The following NKX2-4 variants were observed in gnomAD, a reference collection of about 807,000 sequenced individuals.
NKX2-4 encodes the protein homeobox protein Nkx-2.4.
Under a neutral mutation model 8.6 loss-of-function variants are expected in NKX2-4, and 6 were observed. That is an observed-to-expected ratio of 0.70 (90% CI 0.38 to 1.38). NKX2-4 has a LOEUF of 1.38. Ranked by LOEUF, NKX2-4 falls within the 40% of genes most tolerant of loss-of-function variation. The probability of loss-of-function intolerance (pLI) is 0.02; values close to 1 mark genes in which losing one functional copy is unlikely to be tolerated. For synonymous variants in NKX2-4, 299 were observed against 272.6 expected (o/e 1.10, Z -0.95); for missense variants, 601 against 548.4 (o/e 1.10, Z -0.96).
Position 21,396,940 on chromosome 20 carries a change from G to A in NKX2-4, c.442+18C>T. 2.2e-6 allele frequency: 3 copies of A among 1,394,202 alleles called. No homozygotes were observed. Among genetic ancestry groups the A allele is most frequent in the Non-Finnish European group, 2.8e-6 (3 of 1,073,856 alleles). The allele number at this position is 1,394,202 out of a possible 1,614,324, so 86.4% of individuals were successfully genotyped here. A position where few individuals can be genotyped will look rare whatever the true frequency, so the allele number is the denominator to read the frequency against. On this transcript the variant is annotated intron_variant, in intron 1 of 1. Coordinates refer to ENST00000351817, the MANE Select transcript of NKX2-4 (RefSeq NM_033176.2). ...ACGCCTGAGCCGCCCGCAGCCCCGC[G>A]CTCCTGGCCCCTCTCACTTGACGAG...
chr20:21,396,125 C>T lies in NKX2-4; in HGVS notation c.851G>A (p.Gly284Asp), dbSNP rs1207256553. The T allele has an allele frequency of 7.7e-6, 11 of 1,420,152 alleles. No homozygotes were observed. The East Asian group carries it at 1.5e-4, about 20-fold the overall frequency. 88.0% of individuals were successfully genotyped at this position (1,420,152 alleles called of 1,614,324 possible). Residue 284 changes from glycine to aspartate, a missense_variant, in exon 2 of 2, where the codon GGC becomes GAC. Coordinates refer to ENST00000351817, the MANE Select transcript of NKX2-4 (RefSeq NM_033176.2). The stretch of plus-strand genomic sequence containing the variant: ...GCTGGCGCCGTTCTGGCACGGCTTG[C>T]CGTCCTTGACCAGCACAGGCACCGC... The part of the protein sequence containing the change: ...RVAVPVLVKD[G>D]KPCQNGASTP...
Position 21,395,807 on chromosome 20 carries a change from T to G in NKX2-4, c.*104A>C. On this transcript the variant is annotated 3_prime_UTR_variant, in exon 2 of 2. Transcript: ENST00000351817. Reference sequence around the variant, plus strand: ...GAGACCGGTTCGTTTTGAATCGCAGTTTACACGCGCGAGTCGGTTTTCGCA... The same window carrying G: ...GAGACCGGTTCGTTTTGAATCGCAGGTTACACGCGCGAGTCGGTTTTCGCA... 2 of 1,029,512 alleles carry G rather than the reference T, an allele frequency of 1.9e-6. No homozygotes were observed. Among genetic ancestry groups the G allele is most frequent in the Non-Finnish European group, 2.6e-6 (2 of 783,728 alleles). 63.8% of individuals were successfully genotyped at this position (1,029,512 alleles called of 1,614,324 possible). A position where few individuals can be genotyped will look rare whatever the true frequency, so the allele number is the denominator to read the frequency against.
At position 21,396,198 on chromosome 20, in the gene NKX2-4, C is replaced by T. The variant is rs1465063674; in HGVS notation, c.778G>A (p.Gly260Ser). 2 of 1,554,728 alleles carry T rather than the reference C, an allele frequency of 1.3e-6. No homozygotes were observed. Among genetic ancestry groups the T allele is most frequent in the East Asian group, 2.5e-5 (1 of 39,766 alleles). ...DKAAQQLQQE[G>S]GLGPPPPPPP... ...GGAGGCGGCGGCGGGCCCAGGCCGCCCTCCTGCTGCAGCTGCTGCGCCGCC... is the reference window on the plus strand; with the variant it reads ...GGAGGCGGCGGCGGGCCCAGGCCGCTCTCCTGCTGCAGCTGCTGCGCCGCC... The change falls in exon 2 of 2, where the codon GGC becomes AGC. Residue 260 changes from glycine (G) to serine (S), a missense_variant. Transcript: ENST00000351817.
rs2122404050 is a variant in NKX2-4, at chr20:21,397,435, G to C, written c.-36C>G. The stretch of plus-strand genomic sequence containing the variant: ...GCAGCCAGGTAGGGGGGCCTGGGGC[G>C]CGCGCCGGCAGGACGCGGCGGCCGC... On this transcript the variant is annotated 5_prime_UTR_variant, in exon 1 of 2. Transcript: ENST00000351817. 2 of 1,293,660 alleles carry C rather than the reference G, an allele frequency of 1.5e-6. No homozygotes were observed. The highest frequency in any genetic ancestry group is 6.3e-5 in the East Asian group (2 of 31,590). 80.1% of individuals were successfully genotyped at this position (1,293,660 alleles called of 1,614,324 possible). A position where few individuals can be genotyped will look rare whatever the true frequency, so the allele number is the denominator to read the frequency against.
Position 21,397,484 on chromosome 20 carries a change from G to T in NKX2-4, c.-85C>A, listed in dbSNP as rs2039039786. On this transcript the variant is annotated 5_prime_UTR_variant, in exon 1 of 2. Transcript: ENST00000351817. ...GCTCGTCGCCGCCACCTCGGCCGCG[G>T]CAGCTGAGCCTGTGACGAGGAGTCG... The T allele has an allele frequency of 4.1e-6, 5 of 1,224,420 alleles. No homozygotes were observed. Among genetic ancestry groups the T allele is most frequent in the Non-Finnish European group, 5.1e-6 (5 of 986,726 alleles). The allele number at this position is 1,224,420 out of a possible 1,614,324, so 75.8% of individuals were successfully genotyped here. A position where few individuals can be genotyped will look rare whatever the true frequency, so the allele number is the denominator to read the frequency against.
In NKX2-4 at chr20:21,397,523, C is replaced by T. The variant is rs940551514; in HGVS notation, c.-124G>A. ...GACGAGGAGTCGGCGGCTCGGCGAG[C>T]CCCCCGGGCTGCGGGATCTGGGGTT... On this transcript the variant is annotated 5_prime_UTR_variant, in exon 1 of 2. Transcript: ENST00000351817. 1.2e-5 allele frequency: 14 copies of T among 1,134,982 alleles called. No homozygotes were observed. Among genetic ancestry groups the T allele is most frequent in the Middle Eastern group, 3.4e-4 (1 of 2,912 alleles). 70.3% of individuals were successfully genotyped at this position (1,134,982 alleles called of 1,614,324 possible).
In NKX2-4 at chr20:21,397,001, G is replaced by A. The variant is rs775324247; in HGVS notation, c.399C>T (p.Ala133=). Residue 133 remains alanine, a synonymous_variant, in exon 1 of 2, where the codon GCC becomes GCT. Coordinates refer to ENST00000351817, the MANE Select transcript of NKX2-4 (RefSeq NM_033176.2). Reference sequence around the variant, plus strand: ...CCGGGTTGGCGCCGTACCAGCCGGTGGCCGCGCCGCCCCGCATGCCGTCCG... The same window carrying A: ...CCGGGTTGGCGCCGTACCAGCCGGTAGCCGCGCCGCCCCGCATGCCGTCCG... The part of the protein sequence containing the change: ...AYTDGMRGGA[A]TGWYGANPDP... 7 of 1,477,620 alleles carry A rather than the reference G, an allele frequency of 4.7e-6. No individual in the cohort carries two copies. The highest frequency in any genetic ancestry group is 6.3e-6 in the Non-Finnish European group (7 of 1,117,980). 91.5% of individuals were successfully genotyped at this position (1,477,620 alleles called of 1,614,324 possible). A position where few individuals can be genotyped will look rare whatever the true frequency, so the allele number is the denominator to read the frequency against.
Position 21,395,767 on chromosome 20 carries a change from A to T in NKX2-4, c.*144T>A. ...CCCCCGCCCCCAGCAAGAGGTTCAC[A>T]GCCTGCTCCTCTCTGAGACCGGTTC... On this transcript the variant is annotated 3_prime_UTR_variant, in exon 2 of 2. Coordinates refer to ENST00000351817, the MANE Select transcript of NKX2-4 (RefSeq NM_033176.2). 3.1e-6 allele frequency: 2 copies of T among 649,066 alleles called. No homozygotes were observed. Among genetic ancestry groups the T allele is most frequent in the Non-Finnish European group, 4.5e-6 (2 of 445,326 alleles). The allele number at this position is 649,066 out of a possible 1,614,324, so 40.2% of individuals were successfully genotyped here. A position where few individuals can be genotyped will look rare whatever the true frequency, so the allele number is the denominator to read the frequency against.
At position 21,397,462 on chromosome 20, in the gene NKX2-4, C is replaced by G; in HGVS notation, c.-63G>C. 2 of 1,237,186 alleles carry G rather than the reference C, an allele frequency of 1.6e-6. No individual in the cohort carries two copies. Among genetic ancestry groups the G allele is most frequent in the Non-Finnish European group, 1.0e-6 (1 of 993,972 alleles). The allele number at this position is 1,237,186 out of a possible 1,614,324, so 76.6% of individuals were successfully genotyped here. On this transcript the variant is annotated 5_prime_UTR_variant, in exon 1 of 2. Transcript: ENST00000351817. ...GCGCCGGCAGGACGCGGCGGCCGCT[C>G]GTCGCCGCCACCTCGGCCGCGGCAG...
rs2039039668 is a variant in NKX2-4, at chr20:21,397,478, G to T, written c.-79C>A. 11 of 1,227,812 alleles carry T rather than the reference G, an allele frequency of 9.0e-6. No individual in the cohort carries two copies. The highest frequency in any genetic ancestry group is 1.1e-5 in the Non-Finnish European group (11 of 988,894). The allele number at this position is 1,227,812 out of a possible 1,614,324, so 76.1% of individuals were successfully genotyped here. A position where few individuals can be genotyped will look rare whatever the true frequency, so the allele number is the denominator to read the frequency against. On this transcript the variant is annotated 5_prime_UTR_variant, in exon 1 of 2. Coordinates refer to ENST00000351817, the MANE Select transcript of NKX2-4 (RefSeq NM_033176.2). ...GCGGCCGCTCGTCGCCGCCACCTCG[G>T]CCGCGGCAGCTGAGCCTGTGACGAG...
At position 21,397,278 on chromosome 20, in the gene NKX2-4, G is replaced by T; in HGVS notation, c.122C>A (p.Pro41His). The change falls in exon 1 of 2, where the codon CCC becomes CAC. Residue 41 changes from proline (P) to histidine (H), a missense_variant. Pro to His is a moderately conservative substitution (Grantham distance 77, BLOSUM62 -2). Transcript: ENST00000351817. Reference sequence around the variant, plus strand: ...GCGGTAGGCGGCCGCGGCCCCCAGGGGCGCCCCCAGGCCGGGTGGCGCGCC... The same window carrying T: ...GCGGTAGGCGGCCGCGGCCCCCAGGTGCGCCCCCAGGCCGGGTGGCGCGCC... The part of the protein sequence containing the change: ...MDGAPPGLGA[P>H]LGAAAAYRAP... 1 of 1,261,422 alleles carries T rather than the reference G, an allele frequency of 7.9e-7. No homozygotes were observed. The highest frequency in any genetic ancestry group is 3.0e-5 in the South Asian group (1 of 33,306). 78.1% of individuals were successfully genotyped at this position (1,261,422 alleles called of 1,614,324 possible).
chr20:21,397,059 CCGCCGTTGCAGTAGCTGCCCATGG>C lies in NKX2-4; in HGVS notation c.317_340del (p.Ala106_Gly113del). On this transcript the variant is annotated inframe_deletion, in exon 1 of 2. Transcript: ENST00000351817. The stretch of plus-strand genomic sequence containing the variant: ...GGGCAGCTCGCCCATGTTGCCCAGG[CCGCCGTTGCAGTAGCTGCCCATGG>C]CGCCGTGCGGGAACTGCGAGACGCC... 3.5e-6 allele frequency: 5 copies of C among 1,435,336 alleles called. No individual in the cohort carries two copies. The highest frequency in any genetic ancestry group is 4.6e-6 in the Non-Finnish European group (5 of 1,093,304). 88.9% of individuals were successfully genotyped at this position (1,435,336 alleles called of 1,614,324 possible). A position where few individuals can be genotyped will look rare whatever the true frequency, so the allele number is the denominator to read the frequency against.
chr20:21,395,852 A>C lies in NKX2-4; in HGVS notation c.*59T>G. 1 of 1,270,042 alleles carries C rather than the reference A, an allele frequency of 7.9e-7. No homozygotes were observed. 78.7% of individuals were successfully genotyped at this position (1,270,042 alleles called of 1,614,324 possible). On this transcript the variant is annotated 3_prime_UTR_variant, in exon 2 of 2. Coordinates refer to ENST00000351817, the MANE Select transcript of NKX2-4 (RefSeq NM_033176.2). ...TTCGCATGCCTCCCCCATCCGTTCT[A>C]GCAGTTTCTTGCAGACCCTTCGGGT...
chr20:21,397,522 G>T lies in NKX2-4; in HGVS notation c.-123C>A. 1 of 1,143,100 alleles carries T rather than the reference G, an allele frequency of 8.7e-7. No homozygotes were observed. Among genetic ancestry groups the T allele is most frequent in the Non-Finnish European group, 1.1e-6 (1 of 918,248 alleles). The allele number at this position is 1,143,100 out of a possible 1,614,324, so 70.8% of individuals were successfully genotyped here. ...TGACGAGGAGTCGGCGGCTCGGCGAGCCCCCCGGGCTGCGGGATCTGGGGT... is the reference window on the plus strand; with the variant it reads ...TGACGAGGAGTCGGCGGCTCGGCGATCCCCCCGGGCTGCGGGATCTGGGGT... On this transcript the variant is annotated 5_prime_UTR_variant, in exon 1 of 2. Transcript: ENST00000351817.
Position 21,397,073 on chromosome 20 carries a change from G to A in NKX2-4, c.327C>T (p.Ser109=), listed in dbSNP as rs1181064098. 3.5e-6 allele frequency: 5 copies of A among 1,421,996 alleles called. No homozygotes were observed. In the African/African-American group the frequency reaches 7.4e-5, roughly 21 times the overall value. 88.1% of individuals were successfully genotyped at this position (1,421,996 alleles called of 1,614,324 possible). A position where few individuals can be genotyped will look rare whatever the true frequency, so the allele number is the denominator to read the frequency against. The change falls in exon 1 of 2, where the codon AGC becomes AGT. Residue 109 remains serine, a synonymous_variant. Coordinates refer to ENST00000351817, the MANE Select transcript of NKX2-4 (RefSeq NM_033176.2). ...VSQFPHGAMG[S]YCNGGLGNMG... ...TGTTGCCCAGGCCGCCGTTGCAGTA[G>A]CTGCCCATGGCGCCGTGCGGGAACT...
chr20:21,397,060 C>T lies in NKX2-4; in HGVS notation c.340G>A (p.Gly114Ser). 1.4e-6 allele frequency: 2 copies of T among 1,435,456 alleles called. No homozygotes were observed. Among genetic ancestry groups the T allele is most frequent in the Non-Finnish European group, 1.8e-6 (2 of 1,093,450 alleles). 88.9% of individuals were successfully genotyped at this position (1,435,456 alleles called of 1,614,324 possible). A position where few individuals can be genotyped will look rare whatever the true frequency, so the allele number is the denominator to read the frequency against. The change falls in exon 1 of 2, where the codon GGC becomes AGC. Residue 114 changes from glycine (G) to serine (S), a missense_variant. Transcript: ENST00000351817. Reference sequence around the variant, plus strand: ...GGCAGCTCGCCCATGTTGCCCAGGCCGCCGTTGCAGTAGCTGCCCATGGCG... The same window carrying T: ...GGCAGCTCGCCCATGTTGCCCAGGCTGCCGTTGCAGTAGCTGCCCATGGCG... ...HGAMGSYCNG[G>S]LGNMGELPAY...
At position 21,396,402 on chromosome 20, in the gene NKX2-4, G is replaced by A. The variant is rs763362678; in HGVS notation, c.574C>T (p.Arg192Cys). ...AAAAAAPRRK[R>C]RVLFSQAQVY... Reference sequence around the variant, plus strand: ...TGCGCCTGCGAGAAGAGCACGCGGCGCTTCCTTCGCGGAGCGGCTGCCGCC... The same window carrying A: ...TGCGCCTGCGAGAAGAGCACGCGGCACTTCCTTCGCGGAGCGGCTGCCGCC... The change falls in exon 2 of 2, where the codon CGC (arginine) becomes TGC (cysteine). Residue 192 changes from arginine (R) to cysteine (C), a missense_variant. Arg to Cys is a radical substitution (Grantham distance 180). Coordinates refer to ENST00000351817, the MANE Select transcript of NKX2-4 (RefSeq NM_033176.2). 1.3e-5 allele frequency: 20 copies of A among 1,549,758 alleles called. No individual in the cohort carries two copies. The highest frequency in any genetic ancestry group is 1.6e-5 in the Non-Finnish European group (18 of 1,154,152).
intron 1 of NKX2-4, 67 bp from the exon 2 acceptor site, chr20:21,396,600 G>A: frequency 5.5e-6 from 7 of 1,269,836 alleles, no homozygotes; most frequent in Non-Finnish European, 7.1e-6. Flanking sequence ...TCCAGCCGCC[G>A]CTCTCTTCAC....
Position 21,397,142 on chromosome 20 carries a change from CGCA to C in NKX2-4, c.255_257del (p.Ala91del). 1.7e-5 allele frequency: 22 copies of C among 1,274,044 alleles called. No homozygotes were observed. The highest frequency in any genetic ancestry group is 2.2e-5 in the Non-Finnish European group (22 of 1,016,832). The allele number at this position is 1,274,044 out of a possible 1,614,324, so 78.9% of individuals were successfully genotyped here. A position where few individuals can be genotyped will look rare whatever the true frequency, so the allele number is the denominator to read the frequency against. ...TGTGGTAGGTGGCGGCCGCCGCCGCCGCAGCTGCTGCCGCCGCCGCCGCGGCCG... is the reference window on the plus strand; with the variant it reads ...TGTGGTAGGTGGCGGCCGCCGCCGCCGCTGCTGCCGCCGCCGCCGCGGCCG... On this transcript the variant is annotated inframe_deletion, in exon 1 of 2. Transcript: ENST00000351817.
Sources: gnomAD v4.1 joint callset for allele counts on GRCh38, gnomAD v4.1.1 for gene constraint, MANE v1.5 for transcripts, NCBI Gene and HGNC (gene_info 2026-07-23, HGNC 2026-07-21) for gene names.